The following GALNT17 variants were observed in gnomAD, a reference collection of about 807,000 sequenced individuals.
The protein encoded by GALNT17 is UDP-GalNAc:polypeptide N-acetylgalactosaminyltransferase-like 3.
A neutral mutation model predicts 63.7 loss-of-function variants in GALNT17; 29 were observed. That is an observed-to-expected ratio of 0.46 (90% CI 0.34 to 0.62). The LOEUF (loss-of-function observed/expected upper bound fraction) is 0.62, where lower values mean the gene tolerates loss of function less well. Among genes scored for constraint, GALNT17 ranks in the 20% least tolerant of loss-of-function variants. The pLI is 0.01. For missense variants in GALNT17, 603 were observed against 799.6 expected, an observed-to-expected ratio of 0.75 and a Z score of 2.97; for synonymous variants, 305 against 318.3, an observed-to-expected ratio of 0.96 and a Z score of 0.45.
At chr7:71,292,664 AGAGAGTGTGTGTGTGTGT>A (rs1392163944) in intron 1 of GALNT17, among the ~76,000 whole-genome samples, 329 of 114,246 alleles carry the variant, frequency 2.9e-3, no homozygotes, top group Admixed American at 7.2e-3. Context: ...AGAGAGAGAG[AGAGAGTGTGTGTGTGTGT>A]GTGTGTGTGT....
intron 5 of GALNT17, among the ~76,000 whole-genome samples, chr7:71,555,495 G>A (rs1789148618): frequency 6.8e-6 from 1 of 147,594 alleles, no homozygotes; most frequent in Non-Finnish European, 1.5e-5. Context: ...TTCATGAGGG[G>A]TCTGCCCTCA....
intron 5 of GALNT17, among the ~76,000 whole-genome samples, chr7:71,515,464 TGA>T (rs1268663375): frequency 6.6e-6 from 1 of 152,258 alleles, no homozygotes; most frequent in African/African-American, 2.4e-5. Context: ...TACTTTCTCC[TGA>T]GTGGGCTTTG....
intron 1 of GALNT17, among the ~76,000 whole-genome samples, chr7:71,331,448 C>T (rs1415496464): frequency 2.0e-5 from 3 of 152,148 alleles, no homozygotes; most frequent in African/African-American, 4.8e-5. Context: ...TGGCTCACGC[C>T]TGTAATCCCA....
In GALNT17 at chr7:71,384,446, A is replaced by G. The variant is rs75075161; in HGVS notation, c.423-3789A>G. ...TCTTGCAGCTACTCTGAGGATGTCA[A>G]GGTGGTGTTCTCTGACTCAAACTAC... On this transcript the variant is annotated intron_variant, in intron 2 of 10. Transcript: ENST00000333538. Among the ~76,000 whole-genome samples the G allele has an allele frequency of 2.6e-5, 4 of 152,098 alleles. No homozygotes were observed. The East Asian group carries it at 5.8e-4, about 22-fold the overall frequency.
intron 6 of GALNT17, 31 bp downstream of exon 6, chr7:71,571,433 G>A: frequency 6.3e-7 from 1 of 1,583,470 alleles, no homozygotes; most frequent in East Asian, 2.2e-5. Context: ...TCCTCTTGGT[G>A]TGCCCATGTT....
intron 8 of GALNT17, among the ~76,000 whole-genome samples, chr7:71,674,082 G>T (rs1051536844): frequency 6.6e-6 from 1 of 152,128 alleles, no homozygotes; most frequent in Admixed American, 6.5e-5. Flanking sequence ...GAAGAGAGAA[G>T]CCTTTTGTTT....
In GALNT17 at chr7:71,600,495, G is replaced by A. The variant is rs146384707; in HGVS notation, c.1080+29093G>A. The stretch of plus-strand genomic sequence containing the variant: ...AATCATTCCCCACGTGCCCGGTACC[G>A]TGCCCAGTGGTCTGAGTGCTCACAG... On this transcript the variant is annotated intron_variant, in intron 6 of 10. Coordinates refer to ENST00000333538, the MANE Select transcript of GALNT17 (RefSeq NM_022479.3). 2.7e-3 allele frequency among the ~76,000 whole-genome samples: 417 copies of A among 152,156 alleles called. 3 individuals are homozygous for A. The highest frequency in any genetic ancestry group is 0.018 in the Admixed American group (279 of 15,292).
intron 6 of GALNT17, among the ~76,000 whole-genome samples, chr7:71,664,100 G>T (rs535742376): frequency 6.6e-6 from 1 of 151,630 alleles, no homozygotes; most frequent in Admixed American, 6.6e-5. Context: ...TTTGGAGCAG[G>T]TCCTTACGGC....
chr7:71,635,080 G>A lies in GALNT17; in HGVS notation c.1081-30331G>A, dbSNP rs182668196. On this transcript the variant is annotated intron_variant, in intron 6 of 10. Transcript: ENST00000333538. Reference sequence around the variant, plus strand: ...AAATTAGCTGGGCATGGTGGCAGGCGCCTGTAATCCCAGCTACTCAGGAGG... The same window carrying A: ...AAATTAGCTGGGCATGGTGGCAGGCACCTGTAATCCCAGCTACTCAGGAGG... 6.4e-3 allele frequency among the ~76,000 whole-genome samples: 967 copies of A among 151,100 alleles called. 38 individuals are homozygous for A. Among genetic ancestry groups the A allele is most frequent in the Non-Finnish European group, 2.3e-3 (155 of 67,736 alleles).
At position 71,651,308 on chromosome 7, in the gene GALNT17, C is replaced by CTTT. The variant is rs113437232; in HGVS notation, c.1081-14092_1081-14090dup. On this transcript the variant is annotated intron_variant, in intron 6 of 10. Coordinates refer to ENST00000333538, the MANE Select transcript of GALNT17 (RefSeq NM_022479.3). ...TGCCTGATCCAGGCTACTTTTTAGG[C>CTTT]TTTTTTTTTTTTTGAGATGGAGTCT... 8.4e-4 allele frequency among the ~76,000 whole-genome samples: 112 copies of CTTT among 133,906 alleles called. 1 individual carries two copies. Among genetic ancestry groups the CTTT allele is most frequent in the Non-Finnish European group, 1.5e-3 (96 of 63,376 alleles). 87.8% of individuals were successfully genotyped at this position (133,906 alleles called of 152,430 possible). A position where few individuals can be genotyped will look rare whatever the true frequency, so the allele number is the denominator to read the frequency against.
At chr7:71,288,412 G>A (rs114405991) in intron 1 of GALNT17, among the ~76,000 whole-genome samples, 37 of 152,024 alleles carry the variant, frequency 2.4e-4, no homozygotes, top group African/African-American at 8.4e-4. Flanking sequence ...GTGGACCTGT[G>A]CAGTTCAAAC....
chr7:71,377,698 G>A (rs938554148), intron 2 of GALNT17, among the ~76,000 whole-genome samples: 8 of 152,196 alleles, frequency 5.3e-5, no homozygotes, highest in Non-Finnish European at 1.0e-4. Flanking sequence ...TCAAGGGAGG[G>A]ACCTGTAGTC....
intron 1 of GALNT17, among the ~76,000 whole-genome samples, chr7:71,287,921 G>A (rs543913226): frequency 9.4e-4 from 142 of 151,508 alleles, no homozygotes; most frequent in African/African-American, 3.2e-3. Flanking sequence ...GCGTGGTGGT[G>A]CGCACCTGTA....
intron 1 of GALNT17, among the ~76,000 whole-genome samples, chr7:71,290,510 A>C (rs114113570): frequency 0.019 from 2,824 of 152,176 alleles, 30 homozygotes; most frequent in Middle Eastern, 0.034. Flanking sequence ...CGGGGAGGCT[A>C]CCCTGCTTTC....
intron 6 of GALNT17, among the ~76,000 whole-genome samples, chr7:71,584,185 T>C (rs1789681588): frequency 6.6e-6 from 1 of 152,170 alleles, no homozygotes; most frequent in Non-Finnish European, 1.5e-5. Flanking sequence ...AATTCTGTAA[T>C]GCTAAATTTT....
chr7:71,524,556 C>G (rs1244453063), intron 5 of GALNT17, among the ~76,000 whole-genome samples: 3 of 151,992 alleles, frequency 2.0e-5, no homozygotes, highest in Admixed American at 2.0e-4. Context: ...CACGGTATGC[C>G]AGAAGCATTC....
In GALNT17 at chr7:71,621,566, G is replaced by A. The variant is rs566205602; in HGVS notation, c.1081-43845G>A. On this transcript the variant is annotated intron_variant, in intron 6 of 10. Transcript: ENST00000333538. ...GGATTGATGGATAGATGGATGGATG[G>A]ATGGATGGATGGATGGATGGATGGA... Among the ~76,000 whole-genome samples the A allele has an allele frequency of 2.9e-4, 44 of 151,688 alleles. 1 individual carries two copies. Among genetic ancestry groups the A allele is most frequent in the African/African-American group, 1.0e-3 (42 of 41,366 alleles).
At chr7:71,662,318 TTATC>T (rs35082867) in intron 6 of GALNT17, among the ~76,000 whole-genome samples, 17 of 151,060 alleles carry the variant, frequency 1.1e-4, no homozygotes, top group Non-Finnish European at 1.8e-4. Flanking sequence ...ATCTCTCTGT[TTATC>T]TATCTATCTA....
In GALNT17 at chr7:71,259,067, G is replaced by A. The variant is rs192023071; in HGVS notation, c.239-76483G>A. ...ATATTGCAATCACCTAAGACCCCAA[G>A]CCTGGCACACCGTACCCACTGGAGC... is the stretch of plus-strand genomic sequence containing the variant. On this transcript the variant is annotated intron_variant, in intron 1 of 10. Coordinates refer to ENST00000333538, the MANE Select transcript of GALNT17 (RefSeq NM_022479.3). 3.2e-3 allele frequency among the ~76,000 whole-genome samples: 492 copies of A among 152,284 alleles called. 1 individual carries two copies. Among genetic ancestry groups the A allele is most frequent in the Middle Eastern group, 6.8e-3 (2 of 294 alleles).
Sources: allele counts gnomAD v4.1 joint callset (sites outside exome capture counted in the v4.1 genomes callset), GRCh38; gene constraint gnomAD v4.1.1; transcripts MANE v1.5; gene names NCBI Gene and HGNC (gene_info 2026-07-23, HGNC 2026-07-21).